Variants in DIPK1C observed in about 807,000 individuals in gnomAD.
DIPK1C encodes the protein familial non-conventional Alzheimer's dementia.
Under a neutral mutation model 28.0 loss-of-function variants are expected in DIPK1C, and 33 were observed. That is an observed-to-expected ratio of 1.18 (90% CI 0.89 to 1.58). The LOEUF is 1.58. DIPK1C is among the 40% of genes most tolerant of loss of function. The pLI is 0.00. For missense variants in DIPK1C, 569 were observed against 568.5 expected, an observed-to-expected ratio of 1.00 and a Z score of -0.01; for synonymous variants, 255 against 248.8, an observed-to-expected ratio of 1.02 and a Z score of -0.23.
chr18:74,456,565 G>A (rs1489648139), intron 1 of DIPK1C, among the ~76,000 whole-genome samples: 1 of 152,190 alleles, frequency 6.6e-6, no homozygotes, highest in Non-Finnish European at 1.5e-5. Flanking sequence ...CCTCCGCATG[G>A]GCTCGGTGAG....
chr18:74,463,696 T>C, the DIPK1C span, among the ~76,000 whole-genome samples: 2 of 152,196 alleles, frequency 1.3e-5, no homozygotes, highest in African/African-American at 4.8e-5. Context: ...GCTGTTTGGC[T>C]TTGGAACTCT....
At chr18:74,461,627 C>T (rs150275691), upstream of DIPK1C, among the ~76,000 whole-genome samples, 689 of 152,060 alleles carry the variant, frequency 4.5e-3, 8 homozygotes, top group African/African-American at 0.016. Flanking sequence ...CCTCTGCCTC[C>T]CATAGTTCTG....
chr18:74,447,120 G>T lies in DIPK1C; in HGVS notation c.362C>A (p.Ala121Asp), dbSNP rs769004488. Residue 121 changes from alanine (A) to aspartate (D), a missense_variant, in exon 2 of 4, where the codon GCC (alanine) becomes GAC (aspartate). By Grantham distance (126) the Ala-to-Asp change is moderately radical. Transcript: ENST00000343998. This position sits in a 1 kb window ranked among gnomAD's most constrained non-coding sequence, Gnocchi z 4.1. ...GCTGAGGGGCGGGAAGCTGGAGAAG[G>T]CCTCCTCCTTGGACTTGAGGACCAC... ...RPVVLKSKEEAFSSFPPLSLL... is the reference protein window; with the variant it reads ...RPVVLKSKEEDFSSFPPLSLL... 5 of 1,550,438 alleles carry T rather than the reference G, an allele frequency of 3.2e-6. No individual in the cohort carries two copies. In the Admixed American group the frequency reaches 5.9e-5, roughly 18 times the overall value.
At chr18:74,448,642 T>C (rs4892215) in intron 1 of DIPK1C, among the ~76,000 whole-genome samples, 29,438 of 152,076 alleles carry the variant, frequency 0.19, 3,760 homozygotes, top group East Asian at 0.54. Context: ...CACACCACAG[T>C]GTATGCACGA....
chr18:74,445,877 GCAGCATGAATCTGACCCAT>G (rs1986248910), intron 2 of DIPK1C, among the ~76,000 whole-genome samples: 1 of 152,232 alleles, frequency 6.6e-6, no homozygotes, highest in South Asian at 2.1e-4. Context: ...GATGATCGCA[GCAGCATGAATCTGACCCAT>G]CAGTGTTCGC....
At chr18:74,461,731 T>C (rs1255629323), upstream of DIPK1C, among the ~76,000 whole-genome samples, 1 of 152,138 alleles carries the variant, frequency 6.6e-6, no homozygotes, top group Non-Finnish European at 1.5e-5. Flanking sequence ...TTCAGACTAC[T>C]GCTGGGTTAT....
At position 74,457,070 on chromosome 18, in the gene DIPK1C, C is replaced by G; in HGVS notation, c.190G>C (p.Ala64Pro). ...GCGGCGGCGGGACCTACCAGCGCGG[C>G]CAGGATGCGCCGGCTCTTCTCGTCG... is the stretch of plus-strand genomic sequence containing the variant. ...CTDEKSRRIL[A>P]ALCQDYQGGT... The change falls in exon 1 of 4, where the codon GCC (alanine) becomes CCC (proline). Residue 64 changes from alanine (A) to proline (P), a missense_variant. Ala to Pro is a conservative substitution (Grantham distance 27, BLOSUM62 -1). Coordinates refer to ENST00000343998, the MANE Select transcript of DIPK1C (RefSeq NM_001044369.3). 1 of 1,462,192 alleles carries G rather than the reference C, an allele frequency of 6.8e-7. No homozygotes were observed. Among genetic ancestry groups the G allele is most frequent in the Non-Finnish European group, 9.0e-7 (1 of 1,115,556 alleles). The allele number at this position is 1,462,192 out of a possible 1,614,324, so 90.6% of individuals were successfully genotyped here. A position where few individuals can be genotyped will look rare whatever the true frequency, so the allele number is the denominator to read the frequency against.
chr18:74,439,840 T>C (rs1364343758), intron 3 of DIPK1C, among the ~76,000 whole-genome samples: 1 of 150,464 alleles, frequency 6.6e-6, no homozygotes, highest in Non-Finnish European at 1.5e-5. Context: ...AAAACAGAAA[T>C]AAAAAGTAAA....
intron 3 of DIPK1C, 151 bp downstream of exon 3, chr18:74,441,801 C>A: frequency 3.3e-6 from 3 of 899,486 alleles, no homozygotes; most frequent in Non-Finnish European, 5.0e-6. Flanking sequence ...ATTGTCCCAT[C>A]CCCACCGTCC....
At chr18:74,459,074 G>T (rs1334732576), upstream of DIPK1C, among the ~76,000 whole-genome samples, 2 of 152,234 alleles carry the variant, frequency 1.3e-5, no homozygotes, top group African/African-American at 4.8e-5. Context: ...CTGCACTCTA[G>T]CCCGGACAAC....
rs1307089781 is a variant in DIPK1C, at chr18:74,446,999, C to G, written c.483G>C (p.Leu161=). 6.5e-7 allele frequency: 1 copy of G among 1,535,130 alleles called. No individual in the cohort carries two copies. The change falls in exon 2 of 4, where the codon CTG becomes CTC. Residue 161 remains leucine (L), a synonymous_variant. Transcript: ENST00000343998. Reference sequence around the variant, plus strand: ...GCCCCAGGCTGCTGTTGGACAACTCCAGGCCCAGAGCGCTCTTGACCTCCC... The same window carrying G: ...GCCCCAGGCTGCTGTTGGACAACTCGAGGCCCAGAGCGCTCTTGACCTCCC... ...VAGEVKSALG[L]ELSNSSLGPW...
chr18:74,451,373 A>G (rs150922576), intron 1 of DIPK1C, among the ~76,000 whole-genome samples: 22 of 152,296 alleles, frequency 1.4e-4, no homozygotes, highest in African/African-American at 5.1e-4. Flanking sequence ...CCCGGAAGCC[A>G]GTCCCACCCC....
intron 2 of DIPK1C, among the ~76,000 whole-genome samples, chr18:74,443,456 C>CA (rs1235316064): frequency 6.6e-6 from 1 of 152,140 alleles, no homozygotes; most frequent in South Asian, 2.1e-4. Flanking sequence ...ATTTGTTGTT[C>CA]ATTCCCTCTT....
intron 3 of DIPK1C, 80 bp from the exon 4 acceptor site, chr18:74,436,799 A>T (rs1188942070): frequency 1.5e-6 from 2 of 1,348,496 alleles, no homozygotes; most frequent in Non-Finnish European, 2.0e-6. Flanking sequence ...TTGGTTCTGA[A>T]ACAGATTTCA....
At position 74,447,119 on chromosome 18, in the gene DIPK1C, G is replaced by A. The variant is rs1054019723; in HGVS notation, c.363C>T (p.Ala121=). 2.6e-6 allele frequency: 4 copies of A among 1,550,448 alleles called. No homozygotes were observed. In the East Asian group the frequency reaches 7.3e-5, roughly 28 times the overall value. Residue 121 remains alanine, a synonymous_variant, in exon 2 of 4, where the codon GCC becomes GCT. Transcript: ENST00000343998. This position sits in a 1 kb window ranked among gnomAD's most constrained non-coding sequence, Gnocchi z 4.1. ...GGCTGAGGGGCGGGAAGCTGGAGAA[G>A]GCCTCCTCCTTGGACTTGAGGACCA... ...RPVVLKSKEE[A]FSSFPPLSLL...
At chr18:74,458,411 C>A (rs967216132), upstream of DIPK1C, among the ~76,000 whole-genome samples, 1 of 152,158 alleles carries the variant, frequency 6.6e-6, no homozygotes, top group African/African-American at 2.4e-5. Context: ...CTGATCACTG[C>A]GTGCTGTGAT....
chr18:74,451,338 C>T (rs1208363653), intron 1 of DIPK1C, among the ~76,000 whole-genome samples: 3 of 152,128 alleles, frequency 2.0e-5, no homozygotes, highest in Admixed American at 6.5e-5. Context: ...ACGCTTCCTA[C>T]CCGGCCTGGC....
At chr18:74,452,964 A>G (rs575310432) in intron 1 of DIPK1C, among the ~76,000 whole-genome samples, 5 of 152,222 alleles carry the variant, frequency 3.3e-5, no homozygotes, top group Non-Finnish European at 7.3e-5. Context: ...ATTGGAGTTG[A>G]AAATAAACTG....
chr18:74,457,146 C>G lies in DIPK1C; in HGVS notation c.114G>C (p.Ala38=). 7.1e-7 allele frequency: 1 copy of G among 1,409,960 alleles called. No individual in the cohort carries two copies. Among genetic ancestry groups the G allele is most frequent in the South Asian group, 1.5e-5 (1 of 68,124 alleles). 87.3% of individuals were successfully genotyped at this position (1,409,960 alleles called of 1,614,324 possible). A position where few individuals can be genotyped will look rare whatever the true frequency, so the allele number is the denominator to read the frequency against. ...GGTGCGCGCGGAGCAGCAGCGCGGC[C>G]GCCAGCACCCAGCCCGCGGTCCACG... ...FAAWTAGWVL[A]AALLLRAHPG... The change falls in exon 1 of 4, where the codon GCG becomes GCC. Residue 38 remains alanine, a synonymous_variant. Coordinates refer to ENST00000343998, the MANE Select transcript of DIPK1C (RefSeq NM_001044369.3).
Sources: gnomAD v4.1 joint callset for allele counts (sites outside exome capture counted in the v4.1 genomes callset) on GRCh38, gnomAD v4.1.1 for gene constraint, Gnocchi (gnomAD v3.1) non-coding constraint, MANE v1.5 for transcripts, NCBI Gene and HGNC (gene_info 2026-07-23, HGNC 2026-07-21) for gene names.